IDH2: variants seen among roughly 807,000 people sequenced by gnomAD.
IDH2 encodes the protein isocitrate dehydrogenase (NADP(+)) 2.
IDH2 carries 18 observed loss-of-function variants against 50.5 expected under a neutral mutation model. That is an observed-to-expected ratio of 0.36 (90% CI 0.25 to 0.53). The LOEUF (loss-of-function observed/expected upper bound fraction) is 0.53. Among genes scored for constraint, IDH2 ranks in the 20% least tolerant of loss-of-function variants. The pLI, the probability that IDH2 is intolerant of heterozygous loss-of-function variation, is 0.92. For synonymous variants in IDH2, 280 were observed against 239.8 expected (o/e 1.17, Z -1.55); for missense variants, 518 against 610.7 (o/e 0.85, Z 1.60).
chr15:90,097,656 AGGGACTG>A (rs1901216224), intron 1 of IDH2, among the ~76,000 whole-genome samples: 2 of 143,510 alleles, frequency 1.4e-5, no homozygotes, highest in South Asian at 2.2e-4. Context: ...GGTGGCTGCC[AGGGACTG>A]GGGACGGGAA....
chr15:90,096,095 G>A (rs536131979), intron 1 of IDH2, among the ~76,000 whole-genome samples: 19 of 152,264 alleles, frequency 1.2e-4, no homozygotes, highest in Admixed American at 1.3e-4. Context: ...TCAGGAGTTC[G>A]AGACCAGCCT....
chr15:90,088,693 A>C lies in IDH2; in HGVS notation c.428T>G (p.Leu143Arg), dbSNP rs1900943979. 1.2e-6 allele frequency: 2 copies of C among 1,613,990 alleles called. No individual in the cohort carries two copies. Among genetic ancestry groups the C allele is most frequent in the African/African-American group, 1.3e-5 (1 of 74,900 alleles). Residue 143 changes from leucine to arginine, a missense_variant, in exon 4 of 11, where the codon CTG becomes CGG. Leu to Arg is a moderately radical substitution (Grantham distance 102). Around this residue, in one of 5 missense-constraint regions of IDH2, gnomAD observed 207 missense variants for 208.6 expected, o/e 0.99. Transcript: ENST00000330062. ...KSPNGTIRNI[L>R]GGTVFREPII... ...GGGCTCCCGGAAGACAGTCCCCCCCAGGATGTTCCGGATAGTTCCATTGGG... is the reference window on the plus strand; with the variant it reads ...GGGCTCCCGGAAGACAGTCCCCCCCCGGATGTTCCGGATAGTTCCATTGGG...
intron 3 of IDH2, 110 bp from the exon 4 acceptor site, chr15:90,088,857 G>A: frequency 8.8e-7 from 1 of 1,137,470 alleles, no homozygotes; most frequent in Non-Finnish European, 1.3e-6. Flanking sequence ...TCTTCATGAG[G>A]AAGGCAGTAG....
Position 90,085,402 on chromosome 15 carries a change from G to A in IDH2, c.968-15C>T, listed in dbSNP as rs777753317. The A allele has an allele frequency of 4.6e-6, 7 of 1,537,576 alleles. No homozygotes were observed. In the South Asian group the frequency reaches 7.2e-5, roughly 16 times the overall value. On this transcript the variant is annotated splice_polypyrimidine_tract_variant and intron_variant, in intron 7 of 10. Transcript: ENST00000330062. The surrounding 1 kb of genome is among the most constrained non-coding windows in gnomAD (Gnocchi z 5.5). ...GGAGCCAAAGCCTGGAGGGTAGAAAGCCTTTCTCTCAGGGCCTCGCCTCTC... is the reference window on the plus strand; with the variant it reads ...GGAGCCAAAGCCTGGAGGGTAGAAAACCTTTCTCTCAGGGCCTCGCCTCTC...
intron 1 of IDH2, among the ~76,000 whole-genome samples, chr15:90,101,577 TGCGGCGAGTGAGCCAGGCAGGGAGG>T (rs1376567618): frequency 1.3e-5 from 2 of 149,546 alleles, no homozygotes; most frequent in Non-Finnish European, 3.0e-5. Flanking sequence ...GCCAGGTCTC[TGCGGCGAGTGAGCCAGGCAGGGAGG>T]GCATGTGCCT....
rs531463515 is a variant in IDH2 at position 90,097,427 on chromosome 15, T to C, written c.115+4849A>G. ...TATCCACTGGGGATCTTGAAATGCA[T>C]CCTCCAAGGATAAGGGGGACTACTG... On this transcript the variant is annotated intron_variant, in intron 1 of 10. Transcript: ENST00000330062. Among the ~76,000 whole-genome samples, 116 of 152,262 alleles carry C rather than the reference T, an allele frequency of 7.6e-4. No homozygotes were observed. In the South Asian group the frequency reaches 0.023, roughly 30 times the overall value.
chr15:90,102,458 G>A lies in IDH2; in HGVS notation c.-68C>T, dbSNP rs1342403455. The A allele has an allele frequency of 2.2e-6, 2 of 914,662 alleles. No individual in the cohort carries two copies. Among genetic ancestry groups the A allele is most frequent in the Admixed American group, 4.5e-5 (1 of 22,198 alleles). 56.7% of individuals were successfully genotyped at this position (914,662 alleles called of 1,614,324 possible). A position where few individuals can be genotyped will look rare whatever the true frequency, so the allele number is the denominator to read the frequency against. Reference sequence around the variant, plus strand: ...CGCGCGCCGCTCCTCCCGGCTGCCTGGCCGCGGGCTAACGCTGGGCCTGGC... The same window carrying A: ...CGCGCGCCGCTCCTCCCGGCTGCCTAGCCGCGGGCTAACGCTGGGCCTGGC... On this transcript the variant is annotated 5_prime_UTR_variant, in exon 1 of 11. Coordinates refer to ENST00000330062, the MANE Select transcript of IDH2 (RefSeq NM_002168.4).
chr15:90,100,770 A>G lies in IDH2; in HGVS notation c.115+1506T>C. Reference sequence around the variant, plus strand: ...AACAAGCTGGCAGAGTCGCAACTGTAGAGTCTGATGTCCAACTCCAACACC... The same window carrying G: ...AACAAGCTGGCAGAGTCGCAACTGTGGAGTCTGATGTCCAACTCCAACACC... On this transcript the variant is annotated intron_variant, in intron 1 of 10. Coordinates refer to ENST00000330062, the MANE Select transcript of IDH2 (RefSeq NM_002168.4). The surrounding 1 kb of genome is among the most constrained non-coding windows in gnomAD (Gnocchi z 4.1). 2.4e-6 allele frequency: 1 copy of G among 414,876 alleles called. No individual in the cohort carries two copies. The highest frequency in any genetic ancestry group is 3.2e-6 in the Non-Finnish European group (1 of 308,238). The allele number at this position is 414,876 out of a possible 1,614,324, so 25.7% of individuals were successfully genotyped here. A position where few individuals can be genotyped will look rare whatever the true frequency, so the allele number is the denominator to read the frequency against.
At chr15:90,093,981 G>A (rs1901117090) in intron 1 of IDH2, among the ~76,000 whole-genome samples, 1 of 152,140 alleles carries the variant, frequency 6.6e-6, no homozygotes, top group South Asian at 2.1e-4. Flanking sequence ...TACTGCCCAA[G>A]GTTACAGAGC....
intron 1 of IDH2, among the ~76,000 whole-genome samples, chr15:90,101,847 A>AG (rs1459782102): frequency 1.3e-5 from 2 of 151,898 alleles, no homozygotes; most frequent in African/African-American, 2.4e-5. Context: ...TTGTCTGAGC[A>AG]GGGGCCGAGC....
chr15:90,091,719 G>A (rs896273757), intron 1 of IDH2, 75 bp from the exon 2 acceptor site: 19 of 1,195,906 alleles, frequency 1.6e-5, no homozygotes, highest in Middle Eastern at 3.8e-4. Flanking sequence ...AGCCAGGCCC[G>A]CCCTTCACCA....
chr15:90,097,785 T>G (rs544217015), intron 1 of IDH2, among the ~76,000 whole-genome samples: 1 of 152,320 alleles, frequency 6.6e-6, no homozygotes, highest in Non-Finnish European at 1.5e-5. Flanking sequence ...TTAACAATAC[T>G]GTACACTGAA....
rs1176474140 is a variant in IDH2 at position 90,083,232 on chromosome 15, A to T, written c.*1034T>A. On this transcript the variant is annotated 3_prime_UTR_variant, in exon 11 of 11. Transcript: ENST00000330062. ...ACTGCAACCTCTGCCTCCCAGGTTC[A>T]AGCCATTTTCCTGCCTCAGCCTCCC... 2.9e-5 allele frequency: 4 copies of T among 139,216 alleles called. No homozygotes were observed. Among genetic ancestry groups the T allele is most frequent in the Non-Finnish European group, 6.0e-5 (4 of 66,484 alleles). The allele number at this position is 139,216 out of a possible 1,614,324, so 8.6% of individuals were successfully genotyped here. A position where few individuals can be genotyped will look rare whatever the true frequency, so the allele number is the denominator to read the frequency against.
In IDH2 at chr15:90,087,486, T is replaced by C. The variant is rs1470623102; in HGVS notation, c.768A>G (p.Lys256=). The change falls in exon 6 of 11, where the codon AAA becomes AAG. Residue 256 remains lysine (K), a synonymous_variant. Coordinates refer to ENST00000330062, the MANE Select transcript of IDH2 (RefSeq NM_002168.4). ...TGTCCTTGAAACGCCCATCGTAGGC[T>C]TTCAGTATGGTGTTCTTGGTGCTCA... The part of the protein sequence containing the change: ...LYMSTKNTIL[K]AYDGRFKDIF... 1 of 1,614,200 alleles carries C rather than the reference T, an allele frequency of 6.2e-7. No homozygotes were observed. Among genetic ancestry groups the C allele is most frequent in the South Asian group, 1.1e-5 (1 of 91,084 alleles).
chr15:90,093,207 G>A (rs898792392), intron 1 of IDH2, among the ~76,000 whole-genome samples: 9 of 138,234 alleles, frequency 6.5e-5, no homozygotes, highest in Non-Finnish European at 9.7e-5. Flanking sequence ...ATTGTTTAGA[G>A]TCAGGGTCTC....
At position 90,100,635 on chromosome 15, in the gene IDH2, T is replaced by C. The variant is rs1426830754; in HGVS notation, c.115+1641A>G. The C allele has an allele frequency of 5.1e-6, 5 of 985,414 alleles. No individual in the cohort carries two copies. Among genetic ancestry groups the C allele is most frequent in the Non-Finnish European group, 6.0e-6 (5 of 829,908 alleles). 61.0% of individuals were successfully genotyped at this position (985,414 alleles called of 1,614,324 possible). A position where few individuals can be genotyped will look rare whatever the true frequency, so the allele number is the denominator to read the frequency against. On this transcript the variant is annotated intron_variant, in intron 1 of 10. Transcript: ENST00000330062. This position sits in a 1 kb window ranked among gnomAD's most constrained non-coding sequence, Gnocchi z 4.1. The stretch of plus-strand genomic sequence containing the variant: ...GCGTTGCAAAATAGGAAAAGATGCG[T>C]GCAGGAATTACCAGGCAGCAAAGAC...
At chr15:90,088,991 CACA>C (rs1247832490) in intron 3 of IDH2, among the ~76,000 whole-genome samples, 1 of 150,320 alleles carries the variant, frequency 6.7e-6, no homozygotes, top group East Asian at 2.0e-4. Flanking sequence ...CTCGGCTCAC[CACA>C]ACCTCTGCCT....
Position 90,102,397 on chromosome 15 carries a change from C to G in IDH2, c.-7G>C. On this transcript the variant is annotated 5_prime_UTR_variant, in exon 1 of 11. Coordinates refer to ENST00000330062, the MANE Select transcript of IDH2 (RefSeq NM_002168.4). ...CCCGCAGGTAGCCGGCCATCCCAAGCTGGAGAGCGAACGAGCAGGGCGGGA... is the reference window on the plus strand; with the variant it reads ...CCCGCAGGTAGCCGGCCATCCCAAGGTGGAGAGCGAACGAGCAGGGCGGGA... 1 of 1,332,114 alleles carries G rather than the reference C, an allele frequency of 7.5e-7. No individual in the cohort carries two copies. Among genetic ancestry groups the G allele is most frequent in the Non-Finnish European group, 9.7e-7 (1 of 1,029,844 alleles). The allele number at this position is 1,332,114 out of a possible 1,614,324, so 82.5% of individuals were successfully genotyped here. A position where few individuals can be genotyped will look rare whatever the true frequency, so the allele number is the denominator to read the frequency against.
intron 7 of IDH2, among the ~76,000 whole-genome samples, chr15:90,086,340 T>C (rs551841708): frequency 1.1e-4 from 17 of 152,344 alleles, no homozygotes; most frequent in East Asian, 3.9e-4. Flanking sequence ...CCCAACACAA[T>C]TGGCCCATTT....
Sources: gnomAD v4.1 joint callset for allele counts (sites outside exome capture counted in the v4.1 genomes callset) on GRCh38, gnomAD v4.1.1 for gene constraint, gnomAD v4.1.1 regional missense constraint, Gnocchi (gnomAD v3.1) non-coding constraint, MANE v1.5 for transcripts, NCBI Gene and HGNC (gene_info 2026-07-23, HGNC 2026-07-21) for gene names.